The following POTEI variants were observed in gnomAD, a reference collection of about 807,000 sequenced individuals.
POTEI encodes the protein POTE ankyrin domain family member I.
In POTEI, 14 loss-of-function variants were observed where a neutral mutation model predicts 43.4. The observed-to-expected ratio is 0.32, with a 90% CI of 0.21 to 0.50. POTEI has a LOEUF of 0.50. POTEI is among the 20% of genes least tolerant of loss of function. The pLI, the probability that POTEI is intolerant of heterozygous loss-of-function variation, is 0.98. For missense variants in POTEI, 235 were observed against 795.4 expected, an observed-to-expected ratio of 0.30 and a Z score of 8.47; for synonymous variants, 95 against 297.9, an observed-to-expected ratio of 0.32 and a Z score of 7.01.
chr2:130,507,219 A>G (rs1398411619), intron 1 of POTEI, among the ~76,000 whole-genome samples: 4 of 77,954 alleles, frequency 5.1e-5, no homozygotes, highest in African/African-American at 1.7e-4. Flanking sequence ...AGCCGAGATC[A>G]CACCACTGCA....
intron 5 of POTEI, among the ~76,000 whole-genome samples, 177 bp from the exon 6 acceptor site, chr2:130,496,799 G>T (rs1330489807): frequency 7.5e-6 from 1 of 133,234 alleles, no homozygotes; most frequent in Non-Finnish European, 1.6e-5. Flanking sequence ...TCTAATTAAA[G>T]ACGAAAAAAA....
chr2:130,464,452 T>TA, intron 14 of POTEI, among the ~76,000 whole-genome samples: 1 of 106,986 alleles, frequency 9.3e-6, no homozygotes, highest in African/African-American at 3.2e-5. Context: ...ATCCCAGAAT[T>TA]AAAAAAGCCT....
intron 10 of POTEI, among the ~76,000 whole-genome samples, chr2:130,479,311 G>A (rs929390743): frequency 2.3e-4 from 34 of 150,706 alleles, no homozygotes; most frequent in Admixed American, 4.0e-4. Flanking sequence ...AAGGCATAAC[G>A]AAGGCCAACA....
At chr2:130,488,628 A>C (rs1179185690) in intron 8 of POTEI, among the ~76,000 whole-genome samples, 2 of 128,316 alleles carry the variant, frequency 1.6e-5, no homozygotes, top group Non-Finnish European at 3.3e-5. Context: ...AGAGGATGAC[A>C]CACTGTGCGG....
At chr2:130,479,571 T>C (rs1683327366) in intron 10 of POTEI, among the ~76,000 whole-genome samples, 1 of 67,638 alleles carries the variant, frequency 1.5e-5, no homozygotes, top group Non-Finnish European at 2.9e-5. Context: ...AGCTCAGTCA[T>C]GCCTGTTTGC....
At chr2:130,495,544 C>A (rs1683885808) in intron 6 of POTEI, among the ~76,000 whole-genome samples, 1 of 40,480 alleles carries the variant, frequency 2.5e-5, no homozygotes, top group African/African-American at 6.6e-5. Context: ...ACTTATAAAA[C>A]CTAACTTACA....
chr2:130,491,470 G>C (rs375624273), intron 6 of POTEI, among the ~76,000 whole-genome samples: 3 of 133,290 alleles, frequency 2.3e-5, no homozygotes, highest in Non-Finnish European at 4.8e-5. Context: ...CGCTGAGCTG[G>C]TGCGAACCTA....
At chr2:130,505,196 C>A (rs2105127358) in intron 1 of POTEI, among the ~76,000 whole-genome samples, 1 of 143,474 alleles carries the variant, frequency 7.0e-6, no homozygotes, top group South Asian at 2.4e-4. Flanking sequence ...TGTTAGTTTG[C>A]TAAGGATAAT....
intron 10 of POTEI, among the ~76,000 whole-genome samples, chr2:130,477,919 A>T: frequency 8.0e-6 from 1 of 125,542 alleles, no homozygotes; most frequent in South Asian, 2.6e-4. Context: ...ATGAGTGAGT[A>T]GGGCATTGCC....
At chr2:130,472,165 A>C (rs1683051055) in intron 13 of POTEI, among the ~76,000 whole-genome samples, 1 of 136,240 alleles carries the variant, frequency 7.3e-6, no homozygotes, top group Non-Finnish European at 1.6e-5. Context: ...ATTAGTGATA[A>C]TCTTGAGGAA....
At position 130,508,948 on chromosome 2, in the gene POTEI, G is replaced by C. The variant is rs773696885; in HGVS notation, c.288C>G (p.Ser96Arg). The change falls in exon 1 of 15, where the codon AGC becomes AGG. Residue 96 changes from serine (S) to arginine (R), a missense_variant. Ser to Arg is a moderately radical substitution (Grantham distance 110). Coordinates refer to ENST00000451531, the MANE Select transcript of POTEI (RefSeq NM_001277406.2). ...AGTGGCAGCACCACTTGCCCATCTTGCTCCTGAGCGTCTTCATAGCGGAGT... is the reference window on the plus strand; with the variant it reads ...AGTGGCAGCACCACTTGCCCATCTTCCTCCTGAGCGTCTTCATAGCGGAGT... ...HDDSAMKTLR[S>R]KMGKWCCHCF... 1.5e-5 allele frequency: 24 copies of C among 1,591,068 alleles called. 1 individual carries two copies. The highest frequency in any genetic ancestry group is 2.0e-5 in the Non-Finnish European group (23 of 1,170,606).
intron 14 of POTEI, among the ~76,000 whole-genome samples, chr2:130,464,597 T>G (rs893604185): frequency 5.3e-5 from 8 of 151,006 alleles, no homozygotes; most frequent in African/African-American, 2.0e-4. Flanking sequence ...ATGCATATAT[T>G]TGGACAGAAG....
chr2:130,480,516 A>C lies in POTEI; in HGVS notation c.1480+1487T>G, dbSNP rs2672205. Among the ~76,000 whole-genome samples the C allele has an allele frequency of 2.1e-5, 3 of 145,980 alleles. No individual in the cohort carries two copies. In the South Asian group the frequency reaches 6.7e-4, roughly 33 times the overall value. The stretch of plus-strand genomic sequence containing the variant: ...TAGATGTTCCTTCTGGCAAACACAC[A>C]ATCTCACTCCATGTTCCTTCTGCCA... On this transcript the variant is annotated intron_variant, in intron 10 of 14. Coordinates refer to ENST00000451531, the MANE Select transcript of POTEI (RefSeq NM_001277406.2).
Position 130,493,986 on chromosome 2 carries a change from T to A in POTEI, c.1126+2566A>T, listed in dbSNP as rs1273089907. On this transcript the variant is annotated intron_variant, in intron 6 of 14. Transcript: ENST00000451531. ...TGACAAGGAAACTATAGCTGACTAC[T>A]GCAAAAACTTCCTTTGTCTCCTGGT... is the stretch of plus-strand genomic sequence containing the variant. 4.7e-5 allele frequency among the ~76,000 whole-genome samples: 2 copies of A among 42,142 alleles called. 1 individual carries two copies. Among genetic ancestry groups the A allele is most frequent in the Non-Finnish European group, 1.1e-4 (2 of 18,314 alleles). The allele number at this position is 42,142 out of a possible 152,430, so 27.6% of individuals were successfully genotyped here.
At chr2:130,464,577 A>C (rs541599066) in intron 14 of POTEI, among the ~76,000 whole-genome samples, 13 of 150,522 alleles carry the variant, frequency 8.6e-5, no homozygotes, top group Non-Finnish European at 1.6e-4. Context: ...CCATCCTAAG[A>C]GCCTTAGCTA....
Position 130,509,175 on chromosome 2 carries a change from T to C in POTEI, c.61A>G (p.Arg21Gly). The change falls in exon 1 of 15, where the codon AGG (arginine) becomes GGG (glycine). Residue 21 changes from arginine (R) to glycine (G), a missense_variant. Coordinates refer to ENST00000451531, the MANE Select transcript of POTEI (RefSeq NM_001277406.2). ...ASSVKKPFVL[R>G]SKMGKWCRHC... The stretch of plus-strand genomic sequence containing the variant: ...CGGCACCACTTGCCCATCTTGCTCC[T>C]GAGAACAAATGGCTTCTTCACAGAA... 1 of 1,502,232 alleles carries C rather than the reference T, an allele frequency of 6.7e-7. No homozygotes were observed. The highest frequency in any genetic ancestry group is 8.9e-7 in the Non-Finnish European group (1 of 1,122,390). The allele number at this position is 1,502,232 out of a possible 1,614,324, so 93.1% of individuals were successfully genotyped here.
chr2:130,509,018 C>T lies in POTEI; in HGVS notation c.218G>A (p.Arg73Lys), dbSNP rs1684262252. 7 of 1,520,722 alleles carry T rather than the reference C, an allele frequency of 4.6e-6. No homozygotes were observed. Among genetic ancestry groups the T allele is most frequent in the South Asian group, 1.1e-5 (1 of 87,804 alleles). The allele number at this position is 1,520,722 out of a possible 1,614,324, so 94.2% of individuals were successfully genotyped here. The change falls in exon 1 of 15, where the codon AGG becomes AAG. Residue 73 changes from arginine to lysine, a missense_variant. Arg to Lys is a conservative substitution (Grantham distance 26). Transcript: ENST00000451531. Reference sequence around the variant, plus strand: ...GCCCACGTTGCTCTTGCCACTCCCCCTGCAGCAGGGGAAGCAGTGGCAGCA... The same window carrying T: ...GCCCACGTTGCTCTTGCCACTCCCCTTGCAGCAGGGGAAGCAGTGGCAGCA... ...KWCCHCFPCC[R>K]GSGKSNVGTS...
chr2:130,496,726 T>C lies in POTEI; in HGVS notation c.1056-104A>G, dbSNP rs2918636. 3.2e-5 allele frequency: 43 copies of C among 1,345,984 alleles called. No individual in the cohort carries two copies. In the African/African-American group the frequency reaches 5.7e-4, roughly 18 times the overall value. 83.4% of individuals were successfully genotyped at this position (1,345,984 alleles called of 1,614,324 possible). ...GAGTATTTCAAACAATATCAGAATA[T>C]CAGAACTTAATAGTATTATCCCATC... On this transcript the variant is annotated intron_variant, in intron 5 of 14. Transcript: ENST00000451531.
intron 10 of POTEI, among the ~76,000 whole-genome samples, chr2:130,480,482 C>A (rs1475948013): frequency 6.6e-6 from 1 of 150,460 alleles, no homozygotes; most frequent in African/African-American, 2.4e-5. Context: ...CCCAAACGGG[C>A]AATCTCATTA....
Sources: allele counts gnomAD v4.1 joint callset (sites outside exome capture counted in the v4.1 genomes callset), GRCh38; gene constraint gnomAD v4.1.1; transcripts MANE v1.5; gene names NCBI Gene and HGNC (gene_info 2026-07-23, HGNC 2026-07-21).